TRPC6: variants seen among roughly 807,000 people sequenced by gnomAD.
The protein encoded by TRPC6 is short transient receptor potential channel 6.
In TRPC6, 55 loss-of-function variants were observed where a neutral mutation model predicts 90.7. The ratio of observed to expected loss-of-function variants is 0.61; its 90% CI spans 0.49 to 0.76. The LOEUF (loss-of-function observed/expected upper bound fraction) is 0.76. TRPC6 is among the 30% of genes least tolerant of loss of function. The pLI is 0.00. For missense variants in TRPC6, 989 were observed against 1,122.7 expected (o/e 0.88, Z 1.70); for synonymous variants, 393 against 393.0 (o/e 1.00, Z 0.00).
At chr11:101,560,704 C>T (rs2136865402) in intron 1 of TRPC6, among the ~76,000 whole-genome samples, 1 of 152,042 alleles carries the variant, frequency 6.6e-6, no homozygotes, top group East Asian at 1.9e-4. Flanking sequence ...CTCTGAGAAG[C>T]AACCCGGAGT....
chr11:101,465,168 G>T (rs1859112144), intron 10 of TRPC6, among the ~76,000 whole-genome samples: 1 of 152,152 alleles, frequency 6.6e-6, no homozygotes, highest in Admixed American at 6.6e-5. Flanking sequence ...CTGTTAGTCT[G>T]ATGGGCTTGC....
intron 1 of TRPC6, among the ~76,000 whole-genome samples, chr11:101,549,870 G>T (rs1229708166): frequency 1.3e-5 from 2 of 151,206 alleles, no homozygotes; most frequent in Admixed American, 6.6e-5. Context: ...AAAATATTTA[G>T]TCAATGAATA....
chr11:101,511,957 C>T (rs913300020), intron 1 of TRPC6, among the ~76,000 whole-genome samples: 9 of 152,114 alleles, frequency 5.9e-5, no homozygotes, highest in African/African-American at 2.2e-4. Flanking sequence ...CACGCCACTG[C>T]ACTCCAGCCT....
rs1335032321 is a variant in TRPC6, at chr11:101,558,496, CAT to C, written c.170+24836_170+24837del. ...ACACACACACACACACACACACACA[CAT>C]ATACTAATCAGTGAAACAGAATAGA... On this transcript the variant is annotated intron_variant, in intron 1 of 12. Coordinates refer to ENST00000344327, the MANE Select transcript of TRPC6 (RefSeq NM_004621.6). 2.6e-3 allele frequency among the ~76,000 whole-genome samples: 335 copies of C among 126,844 alleles called. 107 individuals carry two copies. Among genetic ancestry groups the C allele is most frequent in the African/African-American group, 9.4e-3 (313 of 33,442 alleles). 83.2% of individuals were successfully genotyped at this position (126,844 alleles called of 152,430 possible).
At chr11:101,542,354 A>G (rs916559336) in intron 1 of TRPC6, among the ~76,000 whole-genome samples, 1 of 152,230 alleles carries the variant, frequency 6.6e-6, no homozygotes, top group Non-Finnish European at 1.5e-5. Flanking sequence ...ACCCACTGAT[A>G]AAGATAGTTC....
chr11:101,559,602 C>G (rs1302924571), intron 1 of TRPC6, among the ~76,000 whole-genome samples: 1 of 151,424 alleles, frequency 6.6e-6, no homozygotes, highest in African/African-American at 2.4e-5. Flanking sequence ...TTTTGTTTCT[C>G]TACACCTAAG....
At chr11:101,499,298 G>A (rs1457555829) in intron 2 of TRPC6, among the ~76,000 whole-genome samples, 12 of 152,056 alleles carry the variant, frequency 7.9e-5, no homozygotes, top group Middle Eastern at 3.4e-3. Flanking sequence ...TCTTTTAAAT[G>A]TGACTTGGAA....
intron 1 of TRPC6, among the ~76,000 whole-genome samples, chr11:101,541,290 A>G (rs555776616): frequency 1.3e-5 from 2 of 152,314 alleles, no homozygotes; most frequent in East Asian, 1.9e-4. Context: ...CAATTATGTG[A>G]GGTTTTTGAC....
rs541283041 is a variant in TRPC6, at chr11:101,496,802, T to C, written c.946-5064A>G. Among the ~76,000 whole-genome samples the C allele has an allele frequency of 3.9e-5, 6 of 152,318 alleles. No homozygotes were observed. The East Asian group carries it at 1.2e-3, about 29-fold the overall frequency. On this transcript the variant is annotated intron_variant, in intron 2 of 12. Coordinates refer to ENST00000344327, the MANE Select transcript of TRPC6 (RefSeq NM_004621.6). ...AACTCCCTCCCTAACTGTTGACTTG[T>C]CATAGACCTACAGTCCTGTGAGAAT...
At chr11:101,469,242 T>A (rs1859227504) in intron 10 of TRPC6, among the ~76,000 whole-genome samples, 185 bp downstream of exon 10, 1 of 152,236 alleles carries the variant, frequency 6.6e-6, no homozygotes, top group Non-Finnish European at 1.5e-5. Context: ...CTATTCTTTT[T>A]TGCTTATCAA....
At position 101,451,856 on chromosome 11, in the gene TRPC6, A is replaced by G. The variant is rs1858770614; in HGVS notation, c.*1099T>C. The G allele has an allele frequency of 6.6e-6, 1 of 152,206 alleles. No individual in the cohort carries two copies. Among genetic ancestry groups the G allele is most frequent in the Non-Finnish European group, 1.5e-5 (1 of 68,034 alleles). 9.4% of individuals were successfully genotyped at this position (152,206 alleles called of 1,614,324 possible). ...CCAATGGTCTTTGAGTAAACATATG[A>G]ACCTTCATCGCTTTTAGTTGTTTAA... is the stretch of plus-strand genomic sequence containing the variant. On this transcript the variant is annotated 3_prime_UTR_variant, in exon 13 of 13. Transcript: ENST00000344327.
At chr11:101,483,681 G>T (rs1241795671) in intron 4 of TRPC6, among the ~76,000 whole-genome samples, 2 of 152,140 alleles carry the variant, frequency 1.3e-5, no homozygotes, top group African/African-American at 4.8e-5. Flanking sequence ...ACCAAGAAGA[G>T]AACTCCCAGC....
intron 1 of TRPC6, among the ~76,000 whole-genome samples, chr11:101,522,389 T>C (rs1367384542): frequency 1.3e-5 from 2 of 152,186 alleles, no homozygotes; most frequent in Non-Finnish European, 2.9e-5. Flanking sequence ...GTAAGTTTCC[T>C]GAGGCCTCCC....
chr11:101,511,987 A>G (rs767771631), intron 1 of TRPC6, among the ~76,000 whole-genome samples: 1 of 152,010 alleles, frequency 6.6e-6, no homozygotes, highest in Non-Finnish European at 1.5e-5. Flanking sequence ...AGCAAGACTC[A>G]GTCTCAAAAA....
chr11:101,525,037 G>A (rs1417886021), intron 1 of TRPC6, among the ~76,000 whole-genome samples: 1 of 152,170 alleles, frequency 6.6e-6, no homozygotes, highest in Non-Finnish European at 1.5e-5. Flanking sequence ...TAAAGGAATT[G>A]TTGAAGAGAT....
chr11:101,527,315 A>C (rs1466781662), intron 1 of TRPC6, among the ~76,000 whole-genome samples: 2 of 152,178 alleles, frequency 1.3e-5, no homozygotes, highest in Non-Finnish European at 2.9e-5. Flanking sequence ...AGCTTGAAAA[A>C]CAATACTTGA....
rs2136645352 is a variant in TRPC6 at position 101,458,908 on chromosome 11, A to G, written c.2485-3807T>C. Among the ~76,000 whole-genome samples the G allele has an allele frequency of 1.3e-5, 2 of 152,344 alleles. 1 individual carries two copies. The highest frequency in any genetic ancestry group is 4.1e-4 in the South Asian group (2 of 4,830). On this transcript the variant is annotated intron_variant, in intron 10 of 12. Coordinates refer to ENST00000344327, the MANE Select transcript of TRPC6 (RefSeq NM_004621.6). ...CCATCTTAGATATAGATGTTATGAA[A>G]AAGATTAAGCATAAGCCATATGAGT...
At chr11:101,567,958 TCTC>T (rs912513739) in intron 1 of TRPC6, among the ~76,000 whole-genome samples, 6 of 152,060 alleles carry the variant, frequency 3.9e-5, no homozygotes, top group African/African-American at 1.4e-4. Context: ...GAATGCCTCT[TCTC>T]CTCCAAAGGA....
intron 1 of TRPC6, among the ~76,000 whole-genome samples, chr11:101,525,866 T>C (rs1860767601): frequency 6.6e-6 from 1 of 152,176 alleles, no homozygotes; most frequent in Admixed American, 6.5e-5. Context: ...AGACTATGGC[T>C]ACAAGCCACA....
Sources: allele counts gnomAD v4.1 joint callset (sites outside exome capture counted in the v4.1 genomes callset), GRCh38; gene constraint gnomAD v4.1.1; transcripts MANE v1.5; gene names NCBI Gene and HGNC (gene_info 2026-07-23, HGNC 2026-07-21).